The following CHSY1 variants were observed in gnomAD, a reference collection of about 807,000 sequenced individuals.
The protein encoded by CHSY1 is chondroitin sulfate synthase 1.
Under a neutral mutation model 59.8 loss-of-function variants are expected in CHSY1, and 13 were observed. That is an observed-to-expected ratio of 0.22 (90% CI 0.14 to 0.35). The LOEUF (loss-of-function observed/expected upper bound fraction) is 0.35. Ranked by LOEUF, CHSY1 falls within the 10% of genes least tolerant of loss-of-function variation. The pLI is 1.00. For synonymous variants in CHSY1, 459 were observed against 401.2 expected (o/e 1.14, Z -1.72); for missense variants, 947 against 1,030.6 (o/e 0.92, Z 1.11).
At chr15:101,248,709 T>A (rs995125267) in intron 1 of CHSY1, among the ~76,000 whole-genome samples, 1 of 152,242 alleles carries the variant, frequency 6.6e-6, no homozygotes. Context: ...AGGCCAAAAG[T>A]AAGAGCGTTA....
chr15:101,215,436 T>C (rs1353241720), intron 2 of CHSY1, among the ~76,000 whole-genome samples: 1 of 152,214 alleles, frequency 6.6e-6, no homozygotes, highest in Non-Finnish European at 1.5e-5. Context: ...TAGAATCTTC[T>C]ATAATTTTTA....
intron 2 of CHSY1, among the ~76,000 whole-genome samples, chr15:101,183,846 T>C (rs776439300): frequency 6.6e-6 from 1 of 152,166 alleles, no homozygotes; most frequent in Non-Finnish European, 1.5e-5. Context: ...ATGACATCCA[T>C]ACAGAAGGAA....
At chr15:101,236,240 A>G (rs887928752) in intron 1 of CHSY1, among the ~76,000 whole-genome samples, 9 of 152,206 alleles carry the variant, frequency 5.9e-5, no homozygotes, top group African/African-American at 2.2e-4. Flanking sequence ...GAAGGCTGAT[A>G]CGGTTTGGCT....
intron 2 of CHSY1, among the ~76,000 whole-genome samples, chr15:101,206,768 T>A (rs2038630845): frequency 6.6e-6 from 1 of 152,196 alleles, no homozygotes; most frequent in Admixed American, 6.5e-5. Context: ...GCAGAGAGAG[T>A]GAACAAATAT....
intron 1 of CHSY1, among the ~76,000 whole-genome samples, chr15:101,244,570 GAATA>G (rs1003375238): frequency 6.6e-6 from 1 of 152,224 alleles, no homozygotes; most frequent in African/African-American, 2.4e-5. Context: ...AGAAAAACCA[GAATA>G]TATAGAAAAG....
At chr15:101,213,973 T>C (rs1467273405) in intron 2 of CHSY1, among the ~76,000 whole-genome samples, 3 of 152,234 alleles carry the variant, frequency 2.0e-5, no homozygotes, top group African/African-American at 7.2e-5. Flanking sequence ...CAATGAAAAC[T>C]GGCTCCTTCA....
At chr15:101,205,442 T>TA (rs762070355) in intron 2 of CHSY1, among the ~76,000 whole-genome samples, 7 of 152,328 alleles carry the variant, frequency 4.6e-5, no homozygotes, top group Non-Finnish European at 8.8e-5. Context: ...TCAATTGACA[T>TA]AGACTCCACA....
At chr15:101,192,375 C>T (rs1186171992) in intron 2 of CHSY1, among the ~76,000 whole-genome samples, 1 of 152,068 alleles carries the variant, frequency 6.6e-6, no homozygotes, top group African/African-American at 2.4e-5. Flanking sequence ...AGAGAACACA[C>T]ACTCTGCACA....
chr15:101,251,051 C>T lies in CHSY1; in HGVS notation c.320+86G>A, dbSNP rs371372739. The T allele has an allele frequency of 9.1e-5, 118 of 1,291,878 alleles. 1 individual carries two copies. The highest frequency in any genetic ancestry group is 7.2e-4 in the South Asian group (57 of 78,738). The allele number at this position is 1,291,878 out of a possible 1,614,324, so 80.0% of individuals were successfully genotyped here. On this transcript the variant is annotated intron_variant, in intron 1 of 2. Coordinates refer to ENST00000254190, the MANE Select transcript of CHSY1 (RefSeq NM_014918.5). ...GCCCAAGAAGGGCCTAGGAAGCGGG[C>T]GGAGGCGAGAGCCAGGAGAGCACCC...
chr15:101,190,137 G>T (rs1278570817), intron 2 of CHSY1, among the ~76,000 whole-genome samples: 1 of 152,136 alleles, frequency 6.6e-6, no homozygotes, highest in Non-Finnish European at 1.5e-5. Flanking sequence ...AGTCTGAGGG[G>T]GGACTCTCAC....
At chr15:101,210,953 T>C (rs749393798) in intron 2 of CHSY1, among the ~76,000 whole-genome samples, 4 of 152,098 alleles carry the variant, frequency 2.6e-5, no homozygotes, top group Non-Finnish European at 5.9e-5. Flanking sequence ...GATGTAGAAG[T>C]TTAGCAGACA....
At chr15:101,219,408 T>A (rs962789271) in intron 2 of CHSY1, among the ~76,000 whole-genome samples, 2 of 152,216 alleles carry the variant, frequency 1.3e-5, no homozygotes, top group African/African-American at 4.8e-5. Context: ...TCTATGCAGT[T>A]GGTAAAGGTA....
At chr15:101,220,193 T>A (rs1028866205) in intron 2 of CHSY1, among the ~76,000 whole-genome samples, 3 of 152,128 alleles carry the variant, frequency 2.0e-5, no homozygotes, top group Non-Finnish European at 4.4e-5. Flanking sequence ...CAAACGTAAA[T>A]CAAAGTTTCC....
intron 1 of CHSY1, among the ~76,000 whole-genome samples, chr15:101,242,151 G>C (rs1393368529): frequency 1.3e-5 from 2 of 150,714 alleles, no homozygotes; most frequent in African/African-American, 5.0e-5. Flanking sequence ...ATTCTCCCCT[G>C]TTACAGAAGG....
intron 2 of CHSY1, among the ~76,000 whole-genome samples, chr15:101,192,199 A>G (rs1172398088): frequency 6.6e-6 from 1 of 152,248 alleles, no homozygotes; most frequent in Non-Finnish European, 1.5e-5. Context: ...CCAAGCACTG[A>G]GTAATTGCCC....
At chr15:101,240,090 A>G (rs918997225) in intron 1 of CHSY1, among the ~76,000 whole-genome samples, 1 of 152,234 alleles carries the variant, frequency 6.6e-6, no homozygotes, top group East Asian at 1.9e-4. Flanking sequence ...TAACTCAGGG[A>G]AAAACCTCAT....
intron 2 of CHSY1, among the ~76,000 whole-genome samples, chr15:101,231,506 T>C (rs1333041523): frequency 2.0e-5 from 3 of 152,334 alleles, no homozygotes; most frequent in South Asian, 2.1e-4. Flanking sequence ...CGTGACAGTA[T>C]TGGCTATTAA....
chr15:101,179,409 T>A (rs1346714637), intron 2 of CHSY1, among the ~76,000 whole-genome samples: 1 of 152,146 alleles, frequency 6.6e-6, no homozygotes, highest in African/African-American at 2.4e-5. Context: ...ATAAACTTCC[T>A]CCTGAGAGCC....
At chr15:101,244,529 G>A (rs1037602188) in intron 1 of CHSY1, among the ~76,000 whole-genome samples, 1 of 152,192 alleles carries the variant, frequency 6.6e-6, no homozygotes, top group Non-Finnish European at 1.5e-5. Context: ...TGGTTTTACT[G>A]TAGCTTTATT....
Sources: gnomAD v4.1 joint callset for allele counts (sites outside exome capture counted in the v4.1 genomes callset) on GRCh38, gnomAD v4.1.1 for gene constraint, MANE v1.5 for transcripts, NCBI Gene and HGNC (gene_info 2026-07-23, HGNC 2026-07-21) for gene names.